Variants in NMRAL1 observed in about 807,000 individuals in gnomAD.
NMRAL1 encodes NmrA like redox sensor 1.
In NMRAL1, 32 loss-of-function variants were observed where a neutral mutation model predicts 27.5. The observed-to-expected ratio is 1.16, with a 90% CI of 0.88 to 1.56. The LOEUF (loss-of-function observed/expected upper bound fraction) is 1.56. Ranked by LOEUF, NMRAL1 falls within the 40% of genes most tolerant of loss-of-function variation. NMRAL1 has a pLI of 0.00. For missense variants in NMRAL1, 420 were observed against 392.0 expected, an observed-to-expected ratio of 1.07 and a Z score of -0.60; for synonymous variants, 166 against 166.8, an observed-to-expected ratio of 1.00 and a Z score of 0.04.
intron 2 of NMRAL1, among the ~76,000 whole-genome samples, chr16:4,470,723 G>A (rs578038518): frequency 9.9e-5 from 15 of 152,034 alleles, no homozygotes; most frequent in Admixed American, 6.6e-4. Context: ...CGAGGCGGGC[G>A]GATCATGAGG....
At chr16:4,462,464 G>C (rs1459338368) in intron 5 of NMRAL1, among the ~76,000 whole-genome samples, 1 of 152,140 alleles carries the variant, frequency 6.6e-6, no homozygotes, top group African/African-American at 2.4e-5. Context: ...GGCAACAAGA[G>C]TGAGACCCTG....
At chr16:4,465,180 G>A (rs11862751) in intron 4 of NMRAL1, among the ~76,000 whole-genome samples, 1 of 152,136 alleles carries the variant, frequency 6.6e-6, no homozygotes, top group Non-Finnish European at 1.5e-5. Context: ...CCAAAGTGCT[G>A]GGATTACAGG....
chr16:4,472,669 G>A (rs1432883608), intron 2 of NMRAL1, among the ~76,000 whole-genome samples: 3 of 151,252 alleles, frequency 2.0e-5, no homozygotes, highest in Non-Finnish European at 4.4e-5. Flanking sequence ...GCTTGAACCC[G>A]AGTGGCAGAA....
At chr16:4,462,689 TA>T (rs1341336989) in intron 5 of NMRAL1, among the ~76,000 whole-genome samples, 1 of 151,974 alleles carries the variant, frequency 6.6e-6, no homozygotes, top group Non-Finnish European at 1.5e-5. Flanking sequence ...CACGCCGGGC[TA>T]ATTTTTTGTA....
In NMRAL1 at chr16:4,461,981, G is replaced by C. The variant is rs185503301; in HGVS notation, c.721-22C>G. 7,466 of 1,595,156 alleles carry C rather than the reference G, an allele frequency of 4.7e-3. 22 individuals carry two copies. Among genetic ancestry groups the C allele is most frequent in the Non-Finnish European group, 5.7e-3 (6,612 of 1,169,484 alleles). On this transcript the variant is annotated intron_variant, in intron 5 of 5. Coordinates refer to ENST00000283429, the MANE Select transcript of NMRAL1 (RefSeq NM_020677.6). ...TCATCTGGAAGCAGAGGAGCCTGTC[G>C]TGGCCGGCGTCCTCCAGTGCCCCGG...
At chr16:4,465,510 A>G (rs116513352) in intron 4 of NMRAL1, among the ~76,000 whole-genome samples, 4 of 152,332 alleles carry the variant, frequency 2.6e-5, no homozygotes, top group Admixed American at 2.6e-4. Flanking sequence ...GAAATCTGCA[A>G]CTGAACTTCA....
In NMRAL1 at chr16:4,471,731, G is replaced by A. The variant is rs80275327; in HGVS notation, c.41-2266C>T. On this transcript the variant is annotated intron_variant, in intron 2 of 5. Coordinates refer to ENST00000283429, the MANE Select transcript of NMRAL1 (RefSeq NM_020677.6). ...GCTAATGTTATGCATGCTTTAGTAT[G>A]GAAGGGCGGTGTACACATATCTGCA... is the stretch of plus-strand genomic sequence containing the variant. Among the ~76,000 whole-genome samples the A allele has an allele frequency of 5.6e-3, 852 of 152,000 alleles. 4 individuals are homozygous for A. The highest frequency in any genetic ancestry group is 9.4e-3 in the Non-Finnish European group (642 of 67,996).
intron 3 of NMRAL1, 36 bp downstream of exon 3, chr16:4,469,191 T>C (rs2141446170): frequency 6.7e-7 from 1 of 1,483,170 alleles, no homozygotes; most frequent in Non-Finnish European, 9.4e-7. Flanking sequence ...GCTCCTAGCC[T>C]GGCCGGGCCT....
chr16:4,471,654 G>A (rs2057571679), intron 2 of NMRAL1, among the ~76,000 whole-genome samples: 1 of 149,258 alleles, frequency 6.7e-6, no homozygotes, highest in African/African-American at 2.5e-5. Flanking sequence ...TTTATTATAT[G>A]TATATTTTAC....
Position 4,474,129 on chromosome 16 carries a change from C to A in NMRAL1, c.4G>T (p.Val2Leu). The A allele has an allele frequency of 6.2e-7, 1 of 1,611,950 alleles. No homozygotes were observed. Residue 2 changes from valine (V) to leucine (L), a missense_variant, in exon 2 of 6, where the codon GTG becomes TTG. Val to Leu is a conservative substitution (Grantham distance 32). Transcript: ENST00000283429. Reference sequence around the variant, plus strand: ...AAAACCACCACCAGTTTCTTGTCCACCATGAGGACGAGAATGGGACGAATC... The same window carrying A: ...AAAACCACCACCAGTTTCTTGTCCAACATGAGGACGAGAATGGGACGAATC... M[V>L]DKKLVVVFGG...
chr16:4,468,911 AC>A (rs2057435360), intron 3 of NMRAL1, among the ~76,000 whole-genome samples: 1 of 151,456 alleles, frequency 6.6e-6, no homozygotes, highest in Non-Finnish European at 1.5e-5. Context: ...CTGTGCATGT[AC>A]CCCTGAATCT....
At chr16:4,466,579 G>A (rs1288624775) in intron 3 of NMRAL1, 177 bp from the exon 4 acceptor site, 9 of 622,972 alleles carry the variant, frequency 1.4e-5, no homozygotes, top group South Asian at 5.9e-5. Flanking sequence ...CACCACGCCC[G>A]TAAACACAGC....
In NMRAL1 at chr16:4,461,794, A is replaced by T; in HGVS notation, c.886T>A (p.Phe296Ile). 1 of 1,612,142 alleles carries T rather than the reference A, an allele frequency of 6.2e-7. No homozygotes were observed. Among genetic ancestry groups the T allele is most frequent in the Non-Finnish European group, 8.5e-7 (1 of 1,179,224 alleles). Residue 296 changes from phenylalanine (F) to isoleucine (I), a missense_variant, in exon 6 of 6, where the codon TTC becomes ATC. Coordinates refer to ENST00000283429, the MANE Select transcript of NMRAL1 (RefSeq NM_020677.6). ...AGGCGGGCAGGTCACAGCAGGTTGA[A>T]GTCCCCTTTGTGCTGTTCCAGCCAC... ...DQWLEQHKGD[F>I]NLL
At chr16:4,463,588 G>A (rs765504074) in intron 5 of NMRAL1, 72 bp downstream of exon 5, 1 of 1,421,708 alleles carries the variant, frequency 7.0e-7, no homozygotes, top group Non-Finnish European at 9.8e-7. Flanking sequence ...GGGCAGCCCT[G>A]GACACACCCT....
intron 5 of NMRAL1, 32 bp from the exon 6 acceptor site, chr16:4,461,991 T>C (rs767503025): frequency 6.3e-7 from 1 of 1,583,134 alleles, no homozygotes; most frequent in African/African-American, 1.3e-5. Flanking sequence ...GTGGCCGGCG[T>C]CCTCCAGTGC....
Position 4,461,832 on chromosome 16 carries a change from A to T in NMRAL1, c.848T>A (p.Leu283Gln). The change falls in exon 6 of 6, where the codon CTG (leucine) becomes CAG (glutamine). Residue 283 changes from leucine (L) to glutamine (Q), a missense_variant. Transcript: ENST00000283429. Reference sequence around the variant, plus strand: ...CTGTTCCAGCCACTGGTCCAGCGTCAGGGCCTTGGGGTTGAGTCTCAGGGT... The same window carrying T: ...CTGTTCCAGCCACTGGTCCAGCGTCTGGGCCTTGGGGTTGAGTCTCAGGGT... ...ELTLRLNPKA[L>Q]TLDQWLEQHK... 13 of 1,614,184 alleles carry T rather than the reference A, an allele frequency of 8.1e-6. No homozygotes were observed. Among genetic ancestry groups the T allele is most frequent in the Non-Finnish European group, 1.1e-5 (13 of 1,180,020 alleles).
intron 4 of NMRAL1, among the ~76,000 whole-genome samples, chr16:4,464,910 C>T (rs533201328): frequency 1.4e-4 from 20 of 148,116 alleles, no homozygotes; most frequent in African/African-American, 4.7e-4. Context: ...GCCACCGTGC[C>T]CGGCCTTTTT....
chr16:4,468,564 C>T (rs1225603841), intron 3 of NMRAL1, among the ~76,000 whole-genome samples: 2 of 148,338 alleles, frequency 1.3e-5, no homozygotes, highest in Non-Finnish European at 3.0e-5. Flanking sequence ...TGCAGTGAGC[C>T]GAGATCACCC....
chr16:4,463,584 C>G (rs1051344927), intron 5 of NMRAL1, 76 bp downstream of exon 5: 5 of 1,341,400 alleles, frequency 3.7e-6, no homozygotes, highest in Non-Finnish European at 4.2e-6. Flanking sequence ...GTGTGGGCAG[C>G]CCTGGACACA....
Sources: allele counts gnomAD v4.1 joint callset (sites outside exome capture counted in the v4.1 genomes callset), GRCh38; gene constraint gnomAD v4.1.1; transcripts MANE v1.5; gene names NCBI Gene and HGNC (gene_info 2026-07-23, HGNC 2026-07-21).